Variants in CHSY3 observed in about 807,000 individuals in gnomAD.
CHSY3 encodes the protein chondroitin sulfate synthase 3, also known as N-acetylgalactosaminyl-proteoglycan 3-beta-glucuronosyltransferase 3.
In CHSY3, 35 loss-of-function variants were observed where a neutral mutation model predicts 67.2. The observed-to-expected ratio is 0.52, with a 90% confidence interval of 0.40 to 0.69. The LOEUF (loss-of-function observed/expected upper bound fraction) is 0.69, where lower values mean the gene tolerates loss of function less well. Among genes scored for constraint, CHSY3 ranks in the 30% least tolerant of loss-of-function variants. The probability of loss-of-function intolerance (pLI) is 0.00; values close to 1 mark genes in which losing one functional copy is unlikely to be tolerated. For synonymous variants in CHSY3, 474 were observed against 434.7 expected (o/e 1.09, Z -1.12); for missense variants, 1,069 against 1,138.5 (o/e 0.94, Z 0.88).
At chr5:129,914,294 G>A (rs1291343449) in intron 2 of CHSY3, among the ~76,000 whole-genome samples, 2 of 151,984 alleles carry the variant, frequency 1.3e-5, no homozygotes, top group African/African-American at 4.8e-5. Context: ...ATTTTTTTTA[G>A]TAGAGATGGG....
At chr5:130,162,626 C>G (rs935246621) in intron 2 of CHSY3, among the ~76,000 whole-genome samples, 1 of 152,068 alleles carries the variant, frequency 6.6e-6, no homozygotes, top group African/African-American at 2.4e-5. Flanking sequence ...CCTGGAACTT[C>G]TGGGCTCAAG....
chr5:130,009,747 A>G (rs1428973468), intron 2 of CHSY3, among the ~76,000 whole-genome samples: 1 of 152,152 alleles, frequency 6.6e-6, no homozygotes, highest in Admixed American at 6.5e-5. Context: ...CAAGAGAACC[A>G]TCTCCCATGC....
At position 130,040,813 on chromosome 5, in the gene CHSY3, C is replaced by G. The variant is rs79597881; in HGVS notation, c.1086+132453C>G. On this transcript the variant is annotated intron_variant, in intron 2 of 2. Transcript: ENST00000305031. ...AAAAGCTGTTTTTTCAAGGCTCTTC[C>G]TAAACTCTTTCAGTGTCTATTCTAT... 5.9e-5 allele frequency among the ~76,000 whole-genome samples: 9 copies of G among 152,214 alleles called. No individual in the cohort carries two copies. In the East Asian group the frequency reaches 1.5e-3, roughly 26 times the overall value.
At chr5:130,010,064 A>G (rs1331700688) in intron 2 of CHSY3, among the ~76,000 whole-genome samples, 1 of 152,194 alleles carries the variant, frequency 6.6e-6, no homozygotes, top group Non-Finnish European at 1.5e-5. Context: ...CACTGACAGT[A>G]TTAGACAGAA....
intron 2 of CHSY3, among the ~76,000 whole-genome samples, chr5:130,138,219 G>A (rs1431288347): frequency 1.3e-5 from 2 of 152,204 alleles, no homozygotes; most frequent in African/African-American, 4.8e-5. Flanking sequence ...GCACAGCTGG[G>A]CTAAGGAAGC....
chr5:130,013,090 A>G lies in CHSY3; in HGVS notation c.1086+104730A>G, dbSNP rs1764115589. Among the ~76,000 whole-genome samples the G allele has an allele frequency of 2.0e-5, 3 of 152,164 alleles. No homozygotes were observed. The South Asian group carries it at 6.2e-4, about 32-fold the overall frequency. On this transcript the variant is annotated intron_variant, in intron 2 of 2. Transcript: ENST00000305031. ...ATGCAAGTCTGAAATCCAACAGGCC[A>G]GTTATTAAACCTTAGAGTTCTAAAA... is the stretch of plus-strand genomic sequence containing the variant.
At position 130,054,531 on chromosome 5, in the gene CHSY3, A is replaced by G. The variant is rs535844527; in HGVS notation, c.1087-129698A>G. ...CCTCTGATGAAATTCCTGCACTACCATGTGCTGGCCCTGTGATATTAATAT... is the reference window on the plus strand; with the variant it reads ...CCTCTGATGAAATTCCTGCACTACCGTGTGCTGGCCCTGTGATATTAATAT... On this transcript the variant is annotated intron_variant, in intron 2 of 2. Transcript: ENST00000305031. 2.0e-5 allele frequency among the ~76,000 whole-genome samples: 3 copies of G among 152,218 alleles called. No homozygotes were observed. In the East Asian group the frequency reaches 5.8e-4, roughly 30 times the overall value.
intron 2 of CHSY3, among the ~76,000 whole-genome samples, chr5:130,165,823 TA>T (rs1769731189): frequency 6.6e-6 from 1 of 152,124 alleles, no homozygotes; most frequent in African/African-American, 2.4e-5. Flanking sequence ...CTATAAATCA[TA>T]TATGAAATAT....
chr5:129,936,796 C>G (rs1359868911), intron 2 of CHSY3, among the ~76,000 whole-genome samples: 2 of 152,168 alleles, frequency 1.3e-5, no homozygotes, highest in Non-Finnish European at 2.9e-5. Flanking sequence ...AGGTCTTAAA[C>G]TACCATTCCC....
chr5:130,184,873 G>A lies in CHSY3; in HGVS notation c.1731G>A (p.Glu577=). 6.3e-7 allele frequency: 1 copy of A among 1,587,628 alleles called. No individual in the cohort carries two copies. The highest frequency in any genetic ancestry group is 8.7e-7 in the Non-Finnish European group (1 of 1,155,842). The change falls in exon 3 of 3, where the codon GAG becomes GAA. Residue 577 remains glutamate (E), a synonymous_variant. Transcript: ENST00000305031. ...FSKPFFRETE[E]LDVNSLVESI... ...AGCCTTTCTTCAGAGAGACCGAAGA[G>A]CTAGATGTCAACAGTCTTGTGGAGA...
chr5:129,905,104 C>T lies in CHSY3; in HGVS notation c.275C>T (p.Ala92Val), dbSNP rs1313719559. The T allele has an allele frequency of 4.5e-6, 7 of 1,539,996 alleles. No individual in the cohort carries two copies. Among genetic ancestry groups the T allele is most frequent in the African/African-American group, 2.7e-5 (2 of 72,862 alleles). ...CAGGGGCCACCGCTGCCCGAGGCAG[C>T]ACCCGGGATCACCAGTTTTCGAAGC... Reference protein sequence around the residue: ...DLQGPPLPEAAPGITSFRSSP... With the variant: ...DLQGPPLPEAVPGITSFRSSP... The change falls in exon 1 of 3, where the codon GCA becomes GTA. Residue 92 changes from alanine to valine, a missense_variant. Ala to Val is a moderately conservative substitution (Grantham distance 64). Coordinates refer to ENST00000305031, the MANE Select transcript of CHSY3 (RefSeq NM_175856.5).
intron 2 of CHSY3, among the ~76,000 whole-genome samples, chr5:130,089,355 T>C (rs898241206): frequency 6.6e-6 from 1 of 151,654 alleles, no homozygotes; most frequent in Non-Finnish European, 1.5e-5. Context: ...ACATGTACCC[T>C]GAAACTTAAA....
Position 130,185,444 on chromosome 5 carries a change from T to A in CHSY3, c.2302T>A (p.Phe768Ile), listed in dbSNP as rs1256033076. 5 of 1,613,868 alleles carry A rather than the reference T, an allele frequency of 3.1e-6. No individual in the cohort carries two copies. The highest frequency in any genetic ancestry group is 4.2e-6 in the Non-Finnish European group (5 of 1,179,854). The change falls in exon 3 of 3, where the codon TTC (phenylalanine) becomes ATC (isoleucine). Residue 768 changes from phenylalanine to isoleucine, a missense_variant. Physicochemically the swap from Phe to Ile is conservative, Grantham distance 21. This residue lies in a region of CHSY3 where 139 missense variants were observed against 152.8 expected (regional missense o/e 0.91). Transcript: ENST00000305031. ...TCCTCCCACTGATGATTACTTCATA[T>A]TCTCAAAAAAGACTGGATTTTGGAG... ...GNPPTDDYFIFSKKTGFWRDY... is the reference protein window; with the variant it reads ...GNPPTDDYFIISKKTGFWRDY...
intron 2 of CHSY3, among the ~76,000 whole-genome samples, chr5:130,065,943 G>T (rs938501851): frequency 5.3e-5 from 8 of 152,056 alleles, no homozygotes; most frequent in African/African-American, 1.9e-4. Context: ...ATTACATTAA[G>T]ATCTCCCCAG....
In CHSY3 at chr5:130,076,363, C is replaced by A. The variant is rs1337829568; in HGVS notation, c.1087-107866C>A. On this transcript the variant is annotated intron_variant, in intron 2 of 2. Coordinates refer to ENST00000305031, the MANE Select transcript of CHSY3 (RefSeq NM_175856.5). ...CAGCCCTCAGTTTCTACCACTTTTG[C>A]GGTCTTATCACATTCTATGCCACAT... 4.0e-5 allele frequency among the ~76,000 whole-genome samples: 6 copies of A among 149,442 alleles called. No homozygotes were observed. In the South Asian group the frequency reaches 1.3e-3, roughly 32 times the overall value.
intron 2 of CHSY3, among the ~76,000 whole-genome samples, chr5:129,921,411 C>T (rs1760921205): frequency 6.6e-6 from 1 of 152,190 alleles, no homozygotes; most frequent in South Asian, 2.1e-4. Flanking sequence ...AGAGACGACT[C>T]ATGTCCTGGG....
intron 2 of CHSY3, among the ~76,000 whole-genome samples, chr5:130,087,268 A>G (rs1766676441): frequency 6.6e-6 from 1 of 152,196 alleles, no homozygotes; most frequent in Non-Finnish European, 1.5e-5. Context: ...ATCATACTGA[A>G]TGGGCAAAAA....
At position 130,185,836 on chromosome 5, in the gene CHSY3, CATT is replaced by C; in HGVS notation, c.*46_*48del. 2 of 1,225,432 alleles carry C rather than the reference CATT, an allele frequency of 1.6e-6. No individual in the cohort carries two copies. The highest frequency in any genetic ancestry group is 2.4e-5 in the East Asian group (1 of 41,112). 75.9% of individuals were successfully genotyped at this position (1,225,432 alleles called of 1,614,324 possible). A position where few individuals can be genotyped will look rare whatever the true frequency, so the allele number is the denominator to read the frequency against. The stretch of plus-strand genomic sequence containing the variant: ...TGCCTTTTTTAAGGGGAGTTTACCT[CATT>C]GTTGGTTGTTGTTATTTTTATTGTA... On this transcript the variant is annotated 3_prime_UTR_variant, in exon 3 of 3. Transcript: ENST00000305031.
chr5:129,947,278 C>T (rs1174735769), intron 2 of CHSY3, among the ~76,000 whole-genome samples: 1 of 151,958 alleles, frequency 6.6e-6, no homozygotes, highest in South Asian at 2.1e-4. Flanking sequence ...ATTAAATTAC[C>T]TCCCACCCTT....
Sources: allele counts gnomAD v4.1 joint callset (sites outside exome capture counted in the v4.1 genomes callset), GRCh38; gene constraint gnomAD v4.1.1; regional missense constraint gnomAD v4.1.1; transcripts MANE v1.5; gene names NCBI Gene and HGNC (gene_info 2026-07-23, HGNC 2026-07-21).